Variants in SCG3 observed in about 807,000 individuals in gnomAD.
SCG3 encodes the protein secretogranin III, also known as secretogranin-3.
A neutral mutation model predicts 56.2 loss-of-function variants in SCG3; 38 were observed. The observed-to-expected ratio is 0.68, with a 90% CI of 0.52 to 0.89. The LOEUF (loss-of-function observed/expected upper bound fraction) is 0.89, where lower values mean the gene tolerates loss of function less well. Ranked by LOEUF, SCG3 falls within the 40% of genes least tolerant of loss-of-function variation. The pLI is 0.00. For missense variants in SCG3, 524 were observed against 540.7 expected, an observed-to-expected ratio of 0.97 and a Z score of 0.31; for synonymous variants, 176 against 184.2, an observed-to-expected ratio of 0.96 and a Z score of 0.36.
At chr15:51,699,116 T>C (rs1039227633) in intron 8 of SCG3, among the ~76,000 whole-genome samples, 7 of 152,204 alleles carry the variant, frequency 4.6e-5, no homozygotes, top group African/African-American at 1.7e-4. Flanking sequence ...GAGGCTGAAC[T>C]TGAGGATCTC....
intron 5 of SCG3, among the ~76,000 whole-genome samples, 191 bp downstream of exon 5, chr15:51,688,593 G>A (rs990670899): frequency 2.6e-5 from 4 of 151,906 alleles, no homozygotes; most frequent in African/African-American, 9.7e-5. Flanking sequence ...GAAGAACTAG[G>A]CAAGTAGACA....
Position 51,695,895 on chromosome 15 carries a change from G to A in SCG3, c.889G>A (p.Glu297Lys), listed in dbSNP as rs1416266475. 2.5e-6 allele frequency: 4 copies of A among 1,603,194 alleles called. No homozygotes were observed. The Admixed American group carries it at 5.1e-5, about 20-fold the overall frequency. The change falls in exon 8 of 12, where the codon GAA becomes AAA. Residue 297 changes from glutamate (E) to lysine (K), a missense_variant. Transcript: ENST00000220478. ...IDSEKEAKEKETLITIMKTLI... is the reference protein window; with the variant it reads ...IDSEKEAKEKKTLITIMKTLI... ...TATAGAAAAAGAAGCAAAAGAGAAA[G>A]AAACACTGATTACTATCATGAAAAC...
intron 10 of SCG3, among the ~76,000 whole-genome samples, chr15:51,702,667 G>C (rs2055347115): frequency 1.3e-5 from 2 of 152,182 alleles, no homozygotes; most frequent in African/African-American, 4.8e-5. Flanking sequence ...GTGGGATCTA[G>C]TTGTACAGTT....
At chr15:51,692,082 A>T (rs757419409) in intron 6 of SCG3, 77 bp from the exon 7 acceptor site, 7 of 1,401,902 alleles carry the variant, frequency 5.0e-6, no homozygotes, top group Non-Finnish European at 6.8e-6. Flanking sequence ...TAAGGGCATC[A>T]CAAAGGAAGG....
intron 11 of SCG3, among the ~76,000 whole-genome samples, chr15:51,715,018 G>A (rs1702958631): frequency 6.6e-6 from 1 of 152,174 alleles, no homozygotes; most frequent in Non-Finnish European, 1.5e-5. Context: ...AGTACACTGT[G>A]TGCCAAAATA....
chr15:51,692,314 G>A lies in SCG3; in HGVS notation c.846G>A (p.Ala282=), dbSNP rs1191564574. Residue 282 remains alanine (A), a synonymous_variant, in exon 7 of 12, where the codon GCG becomes GCA. Coordinates refer to ENST00000220478, the MANE Select transcript of SCG3 (RefSeq NM_013243.4). ...EELQYFPNFY[A]LLKSIDSEKE... ...TCCAATATTTCCCAAATTTCTATGC[G>A]CTACTGAAAAGTATTGATTCAGGTA... is the stretch of plus-strand genomic sequence containing the variant. The A allele has an allele frequency of 7.4e-6, 12 of 1,613,440 alleles. No homozygotes were observed. Among genetic ancestry groups the A allele is most frequent in the African/African-American group, 1.3e-5 (1 of 74,896 alleles).
chr15:51,695,920 CACTGA>C lies in SCG3; in HGVS notation c.915_919del (p.Leu306Ter). On this transcript the variant is annotated frameshift_variant, in exon 8 of 12. Transcript: ENST00000220478. LOFTEE classifies it high-confidence loss of function. The stretch of plus-strand genomic sequence containing the variant: ...GAAACACTGATTACTATCATGAAAA[CACTGA>C]TTGACTTTGTGAAGATGATGGTGAA... 6.2e-7 allele frequency: 1 copy of C among 1,610,758 alleles called. No individual in the cohort carries two copies. The highest frequency in any genetic ancestry group is 8.5e-7 in the Non-Finnish European group (1 of 1,177,310).
At chr15:51,715,415 A>T (rs1162285707) in intron 11 of SCG3, among the ~76,000 whole-genome samples, 2 of 152,102 alleles carry the variant, frequency 1.3e-5, no homozygotes, top group Non-Finnish European at 2.9e-5. Flanking sequence ...AGGGAGAATT[A>T]CTATTAGTTC....
chr15:51,705,235 G>A (rs572041155), intron 10 of SCG3, among the ~76,000 whole-genome samples: 1 of 152,232 alleles, frequency 6.6e-6, no homozygotes, highest in Non-Finnish European at 1.5e-5. Flanking sequence ...TACATCCTTT[G>A]ACTTGCTGGG....
At chr15:51,712,574 G>A (rs949936625) in intron 10 of SCG3, among the ~76,000 whole-genome samples, 1 of 152,158 alleles carries the variant, frequency 6.6e-6, no homozygotes. Context: ...TGTAGCCTTA[G>A]CCTACTCACT....
Position 51,683,423 on chromosome 15 carries a change from A to G in SCG3, c.386A>G (p.His129Arg). The change falls in exon 4 of 12, where the codon CAT (histidine) becomes CGT (arginine). Residue 129 changes from histidine (H) to arginine (R), a missense_variant. By Grantham distance (29) the His-to-Arg change is conservative. Coordinates refer to ENST00000220478, the MANE Select transcript of SCG3 (RefSeq NM_013243.4). ...DYDSTKSGLDHKFQDDPDGLH... is the reference protein window; with the variant it reads ...DYDSTKSGLDRKFQDDPDGLH... ...GACTCTACTAAGAGTGGATTGGATC[A>G]TAAATTTCAAGGTAAATGAGAAAAA... The G allele has an allele frequency of 6.3e-7, 1 of 1,596,994 alleles. No homozygotes were observed. The highest frequency in any genetic ancestry group is 1.2e-5 in the South Asian group (1 of 86,398).
At chr15:51,695,796 A>G (rs1200846620) in intron 7 of SCG3, 79 bp from the exon 8 acceptor site, 1 of 824,672 alleles carries the variant, frequency 1.2e-6, no homozygotes, top group Admixed American at 2.3e-5. Flanking sequence ...ACAAACAAAA[A>G]GATGCTGTAC....
At chr15:51,708,767 G>C (rs911453663) in intron 10 of SCG3, among the ~76,000 whole-genome samples, 1 of 152,112 alleles carries the variant, frequency 6.6e-6, no homozygotes, top group Non-Finnish European at 1.5e-5. Context: ...CTTGAGGCAG[G>C]AGAATGGCGT....
intron 10 of SCG3, among the ~76,000 whole-genome samples, chr15:51,706,771 A>G (rs2055379131): frequency 6.6e-6 from 1 of 152,114 alleles, no homozygotes; most frequent in Admixed American, 6.6e-5. Flanking sequence ...TTCAAGCTTA[A>G]TGTAAAAAAC....
chr15:51,709,908 T>TG (rs2055409204), intron 10 of SCG3, among the ~76,000 whole-genome samples: 1 of 139,146 alleles, frequency 7.2e-6, no homozygotes, highest in Non-Finnish European at 1.6e-5. Context: ...TTTTTTTTTT[T>TG]TGTATTTTTA....
intron 11 of SCG3, among the ~76,000 whole-genome samples, chr15:51,718,684 C>A (rs759794564): frequency 6.6e-6 from 1 of 152,050 alleles, no homozygotes; most frequent in Non-Finnish European, 1.5e-5. Flanking sequence ...AGCCTCCTTA[C>A]CTGGAAATCT....
chr15:51,706,565 A>G (rs1162320694), intron 10 of SCG3, among the ~76,000 whole-genome samples: 1 of 152,206 alleles, frequency 6.6e-6, no homozygotes, highest in African/African-American at 2.4e-5. Flanking sequence ...TGGCAGGAAT[A>G]TCTGTGGGGA....
At chr15:51,705,669 G>A (rs1296338882) in intron 10 of SCG3, among the ~76,000 whole-genome samples, 5 of 152,060 alleles carry the variant, frequency 3.3e-5, no homozygotes, top group African/African-American at 7.2e-5. Context: ...TTACAGGCAT[G>A]TGCCACCACA....
intron 10 of SCG3, among the ~76,000 whole-genome samples, chr15:51,704,244 C>CATATATATATATATATATATAT (rs750951935): frequency 5.4e-5 from 4 of 73,628 alleles, no homozygotes; most frequent in Admixed American, 1.8e-4. Context: ...TACATACATA[C>CATATATATATATATATATATAT]ATATATATAT....
Sources: allele counts gnomAD v4.1 joint callset (sites outside exome capture counted in the v4.1 genomes callset), GRCh38; gene constraint gnomAD v4.1.1; transcripts MANE v1.5; gene names NCBI Gene and HGNC (gene_info 2026-07-23, HGNC 2026-07-21).